The following NGEF variants were observed in gnomAD, a reference collection of about 807,000 sequenced individuals.
NGEF encodes the protein ephexin-1.
In NGEF, 31 loss-of-function variants were observed where a neutral mutation model predicts 80.9. The ratio of observed to expected loss-of-function variants is 0.38; its 90% CI spans 0.29 to 0.52. The LOEUF (loss-of-function observed/expected upper bound fraction) is 0.52. Among genes scored for constraint, NGEF ranks in the 20% least tolerant of loss-of-function variants. The pLI is 0.84. For synonymous variants in NGEF, 371 were observed against 370.2 expected (o/e 1.00, Z -0.03); for missense variants, 709 against 926.2 (o/e 0.77, Z 3.04).
chr2:232,899,662 T>TCA (rs59282713), intron 5 of NGEF, among the ~76,000 whole-genome samples: 75,489 of 118,882 alleles, frequency 0.63, 24,650 homozygotes, highest in Admixed American at 0.71. Context: ...TCACATTCAC[T>TCA]CACACATGCT....
At chr2:232,975,967 G>A (rs772244526) in intron 1 of NGEF, among the ~76,000 whole-genome samples, 17 of 152,298 alleles carry the variant, frequency 1.1e-4, no homozygotes, top group South Asian at 4.2e-4. Flanking sequence ...TTGGGAGGCC[G>A]AGGCGAGCAG....
intron 3 of NGEF, among the ~76,000 whole-genome samples, chr2:232,947,599 G>A (rs1016349240): frequency 7.2e-5 from 11 of 152,222 alleles, no homozygotes; most frequent in Admixed American, 5.2e-4. Context: ...CATGTGAGAT[G>A]TGTCTGCTTC....
chr2:232,966,859 G>T (rs192789588), intron 3 of NGEF, among the ~76,000 whole-genome samples: 246 of 152,238 alleles, frequency 1.6e-3, no homozygotes, highest in African/African-American at 5.4e-3. Flanking sequence ...GTGAGGGTGG[G>T]GGGGGAGGCG....
chr2:233,003,592 G>A (rs1300886321), intron 1 of NGEF, among the ~76,000 whole-genome samples: 1 of 152,068 alleles, frequency 6.6e-6, no homozygotes, highest in Non-Finnish European at 1.5e-5. Flanking sequence ...ATACCACCCT[G>A]CCCTACCACC....
rs1190953549 is a variant in NGEF, at chr2:232,881,127, G to A, written c.1942+19C>T. The stretch of plus-strand genomic sequence containing the variant: ...GCAAGTTCCCCTGGGGGCCCCGAGG[G>A]GAGGTCCCTGGGCCTCACCGTCGTC... On this transcript the variant is annotated intron_variant, in intron 14 of 14. Transcript: ENST00000264051. The A allele has an allele frequency of 6.2e-7, 1 of 1,605,530 alleles. No individual in the cohort carries two copies. Among genetic ancestry groups the A allele is most frequent in the Non-Finnish European group, 8.5e-7 (1 of 1,175,156 alleles).
chr2:232,928,089 C>A lies in NGEF; in HGVS notation c.384-903G>T, dbSNP rs1263775615. On this transcript the variant is annotated intron_variant, in intron 3 of 14. Coordinates refer to ENST00000264051, the MANE Select transcript of NGEF (RefSeq NM_019850.3). ...CGGGGGCGACTAGCGGGCTGCGGAG[C>A]GGGGTCGCAGCGCGCGCGGCTCGAC... is the stretch of plus-strand genomic sequence containing the variant. The A allele has an allele frequency of 4.6e-6, 5 of 1,096,788 alleles. No individual in the cohort carries two copies. The South Asian group carries it at 1.7e-4, about 38-fold the overall frequency. The allele number at this position is 1,096,788 out of a possible 1,614,324, so 67.9% of individuals were successfully genotyped here.
chr2:232,942,183 C>T (rs1276324178), intron 3 of NGEF, among the ~76,000 whole-genome samples: 1 of 152,204 alleles, frequency 6.6e-6, no homozygotes, highest in African/African-American at 2.4e-5. Flanking sequence ...CATCCAGTGG[C>T]TGGCTGTGTT....
chr2:232,904,821 C>A (rs2106255956), intron 5 of NGEF, among the ~76,000 whole-genome samples: 1 of 152,196 alleles, frequency 6.6e-6, no homozygotes, highest in Non-Finnish European at 1.5e-5. Context: ...TGGTGCACAC[C>A]TGTAGTTGCA....
chr2:232,890,440 C>T (rs1009289741), intron 8 of NGEF, among the ~76,000 whole-genome samples: 10 of 152,164 alleles, frequency 6.6e-5, no homozygotes, highest in African/African-American at 2.2e-4. Flanking sequence ...CCTTCCTTGG[C>T]GGCCTCTTCG....
chr2:232,982,357 A>G (rs1487493828), intron 1 of NGEF, among the ~76,000 whole-genome samples: 1 of 152,074 alleles, frequency 6.6e-6, no homozygotes, highest in Non-Finnish European at 1.5e-5. Context: ...CCTACCATCA[A>G]GGGGGCAGGA....
intron 5 of NGEF, among the ~76,000 whole-genome samples, chr2:232,902,835 A>C (rs1048038354): frequency 6.6e-6 from 1 of 152,210 alleles, no homozygotes; most frequent in African/African-American, 2.4e-5. Flanking sequence ...TCTACTAAAA[A>C]TACAAAAGAT....
intron 5 of NGEF, among the ~76,000 whole-genome samples, chr2:232,917,066 C>A (rs1255462007): frequency 6.6e-6 from 1 of 152,202 alleles, no homozygotes; most frequent in Non-Finnish European, 1.5e-5. Context: ...GCCAGTGGTA[C>A]CTGTGATGCA....
At chr2:232,910,327 A>G (rs953145401) in intron 5 of NGEF, among the ~76,000 whole-genome samples, 8 of 152,224 alleles carry the variant, frequency 5.3e-5, no homozygotes, top group African/African-American at 1.7e-4. Context: ...GGAGCGCACA[A>G]CCTAGATCCC....
At chr2:232,989,285 T>C (rs894871978) in intron 1 of NGEF, among the ~76,000 whole-genome samples, 10 of 152,052 alleles carry the variant, frequency 6.6e-5, no homozygotes, top group Admixed American at 6.6e-5. Flanking sequence ...CTGTCTCTAC[T>C]AAAAATACAA....
intron 5 of NGEF, among the ~76,000 whole-genome samples, chr2:232,900,936 A>G (rs1057321675): frequency 4.6e-5 from 7 of 152,202 alleles, no homozygotes; most frequent in Non-Finnish European, 8.8e-5. Flanking sequence ...TGGGGTGGTG[A>G]CGTCCGGCGG....
chr2:232,963,826 A>C (rs1694003061), intron 3 of NGEF, among the ~76,000 whole-genome samples: 1 of 152,160 alleles, frequency 6.6e-6, no homozygotes, highest in African/African-American at 2.4e-5. Flanking sequence ...AAAAAAGACA[A>C]GTAAGTCACA....
chr2:232,954,922 T>C (rs1338589287), intron 3 of NGEF, among the ~76,000 whole-genome samples: 1 of 152,012 alleles, frequency 6.6e-6, no homozygotes, highest in East Asian at 1.9e-4. Flanking sequence ...TTTCCAACCA[T>C]CGAGACATAG....
At chr2:233,002,292 G>T (rs76980274) in intron 1 of NGEF, among the ~76,000 whole-genome samples, 1 of 152,138 alleles carries the variant, frequency 6.6e-6, no homozygotes, top group South Asian at 2.1e-4. Context: ...AGATATTAAA[G>T]CTTAGGATGA....
chr2:232,906,500 C>CCCT (rs1692547663), intron 5 of NGEF, among the ~76,000 whole-genome samples: 1 of 59,226 alleles, frequency 1.7e-5, no homozygotes, highest in Non-Finnish European at 3.5e-5. Context: ...GCCCGGCCAC[C>CCCT]ACCCCGTGTG....
Sources: gnomAD v4.1 joint callset for allele counts (sites outside exome capture counted in the v4.1 genomes callset) on GRCh38, gnomAD v4.1.1 for gene constraint, MANE v1.5 for transcripts, NCBI Gene and HGNC (gene_info 2026-07-23, HGNC 2026-07-21) for gene names.